The following RORA variants were observed in gnomAD, a reference collection of about 807,000 sequenced individuals.
RORA encodes RAR related orphan receptor A, also known as nuclear receptor ROR-alpha.
A neutral mutation model predicts 69.5 loss-of-function variants in RORA; 7 were observed. The ratio of observed to expected loss-of-function variants is 0.10; its 90% CI spans 0.06 to 0.19. RORA has a LOEUF of 0.19. RORA is among the 10% of genes least tolerant of loss of function. The pLI is 1.00. For synonymous variants in RORA, 261 were observed against 240.8 expected, an observed-to-expected ratio of 1.08 and a Z score of -0.78; for missense variants, 457 against 663.0, an observed-to-expected ratio of 0.69 and a Z score of 3.41.
intron 2 of RORA, among the ~76,000 whole-genome samples, chr15:60,566,776 C>A (rs894307208): frequency 1.3e-5 from 2 of 152,112 alleles, no homozygotes; most frequent in African/African-American, 4.8e-5. Flanking sequence ...GAAGAAAAGC[C>A]AAGGAGAGGT....
rs75716217 is a variant in RORA at position 60,795,523 on chromosome 15, C to T, written c.167-116837G>A. On this transcript the variant is annotated intron_variant, in intron 1 of 10. Transcript: ENST00000335670. ...AAGGCTCAGTCTTTAAACTGTATTT[C>T]GCTGAGGCACAGTTTGATACCATGG... 2.1e-4 allele frequency among the ~76,000 whole-genome samples: 32 copies of T among 152,332 alleles called. No homozygotes were observed. The East Asian group carries it at 5.2e-3, about 25-fold the overall frequency.
chr15:60,631,243 C>T (rs1350244753), intron 2 of RORA, among the ~76,000 whole-genome samples: 4 of 152,204 alleles, frequency 2.6e-5, no homozygotes, highest in African/African-American at 9.6e-5. Context: ...AGCAGCCCAT[C>T]TGGGGCTATG....
intron 1 of RORA, among the ~76,000 whole-genome samples, chr15:60,729,506 T>C (rs528001545): frequency 1.3e-5 from 2 of 152,344 alleles, no homozygotes; most frequent in African/African-American, 4.8e-5. Flanking sequence ...ATTTTCTCCA[T>C]TGTTAGAATT....
intron 2 of RORA, among the ~76,000 whole-genome samples, chr15:60,591,573 G>A (rs548805306): frequency 6.6e-6 from 1 of 152,030 alleles, no homozygotes; most frequent in Non-Finnish European, 1.5e-5. Context: ...GGGCCGCCCG[G>A]CAGGATTGGC....
At chr15:60,874,808 T>C (rs562189119) in intron 1 of RORA, among the ~76,000 whole-genome samples, 30 of 152,338 alleles carry the variant, frequency 2.0e-4, no homozygotes, top group Admixed American at 2.0e-4. Context: ...GTCAGCCTGC[T>C]AGTGTACAAA....
At chr15:60,584,161 G>C (rs1291354744) in intron 2 of RORA, among the ~76,000 whole-genome samples, 1 of 152,198 alleles carries the variant, frequency 6.6e-6, no homozygotes, top group Admixed American at 6.5e-5. Flanking sequence ...AGAAACATCT[G>C]AGATGCTGTG....
In RORA at chr15:60,750,635, CTG is replaced by C. The variant is rs985998923; in HGVS notation, c.167-71951_167-71950del. Among the ~76,000 whole-genome samples the C allele has an allele frequency of 1.6e-4, 25 of 152,184 alleles. 1 individual carries two copies. Among genetic ancestry groups the C allele is most frequent in the African/African-American group, 5.8e-4 (24 of 41,516 alleles). ...TCTTTCAAGGAGAGAGGACATCAAA[CTG>C]AGATTAGATTAGAGGAAAAAGAGCA... On this transcript the variant is annotated intron_variant, in intron 1 of 10. Coordinates refer to ENST00000335670, the MANE Select transcript of RORA (RefSeq NM_134261.3).
chr15:61,079,336 C>A (rs2078502473), intron 1 of RORA, among the ~76,000 whole-genome samples: 2 of 152,126 alleles, frequency 1.3e-5, no homozygotes, highest in African/African-American at 4.8e-5. Flanking sequence ...AGATTTAAAT[C>A]ACTTATTTCA....
chr15:60,538,243 G>A (rs1407290288), intron 2 of RORA, among the ~76,000 whole-genome samples: 2 of 152,140 alleles, frequency 1.3e-5, no homozygotes, highest in Non-Finnish European at 2.9e-5. Flanking sequence ...AGTCAATTCA[G>A]CTAAGAGGTG....
chr15:60,689,150 A>G (rs1166438579), intron 1 of RORA, among the ~76,000 whole-genome samples: 2 of 152,340 alleles, frequency 1.3e-5, no homozygotes, highest in Non-Finnish European at 2.9e-5. Flanking sequence ...CAATATCTGT[A>G]GGATGGAAGT....
In RORA at chr15:61,013,343, C is replaced by T. The variant is rs1337884079; in HGVS notation, c.166+215710G>A. Among the ~76,000 whole-genome samples, 5 of 152,152 alleles carry T rather than the reference C, an allele frequency of 3.3e-5. No homozygotes were observed. In the East Asian group the frequency reaches 7.7e-4, roughly 23 times the overall value. ...TTTGTTGCGGAGTTGTGACAGAGAC[C>T]GCATGGCCCATAAAGCCAAACATAT... On this transcript the variant is annotated intron_variant, in intron 1 of 10. Coordinates refer to ENST00000335670, the MANE Select transcript of RORA (RefSeq NM_134261.3).
chr15:60,961,124 C>T (rs111871112), intron 1 of RORA, among the ~76,000 whole-genome samples: 3,535 of 152,278 alleles, frequency 0.023, 162 homozygotes, highest in African/African-American at 0.081. Flanking sequence ...TTAGATCTCT[C>T]TGGCCTCTCA....
chr15:60,703,126 AACACACACACACACACACACAC>A (rs33962963), intron 1 of RORA, among the ~76,000 whole-genome samples: 2 of 145,484 alleles, frequency 1.4e-5, no homozygotes, highest in South Asian at 2.3e-4. Flanking sequence ...GCTTCAGATT[AACACACACACACACACACACAC>A]ACACACACAC....
chr15:60,505,459 C>A (rs202236578), intron 6 of RORA, 49 bp downstream of exon 6: 1 of 1,600,276 alleles, frequency 6.2e-7, no homozygotes, highest in South Asian at 1.1e-5. Context: ...TACCAACACC[C>A]TTCCCAATAT....
At chr15:60,833,150 C>T (rs185379758) in intron 1 of RORA, among the ~76,000 whole-genome samples, 140 of 152,022 alleles carry the variant, frequency 9.2e-4, no homozygotes, top group Middle Eastern at 6.8e-3. Context: ...ATGATCCGCC[C>T]GCCTCGGCCT....
chr15:61,059,914 GAAGAAGAAGAAGAAGAAGAAC>G (rs1352537666), intron 1 of RORA, among the ~76,000 whole-genome samples: 39 of 134,380 alleles, frequency 2.9e-4, no homozygotes, highest in African/African-American at 8.0e-4. Context: ...ACACGAAGAA[GAAGAAGAAGAAGAAGAAGAAC>G]AAGAAGAAGA....
chr15:61,080,649 T>C (rs1420249651), intron 1 of RORA, among the ~76,000 whole-genome samples: 1 of 152,202 alleles, frequency 6.6e-6, no homozygotes, highest in Non-Finnish European at 1.5e-5. Flanking sequence ...CTTTGAGGCC[T>C]TTCTACCATG....
intron 10 of RORA, among the ~76,000 whole-genome samples, chr15:60,498,073 T>A (rs1224221358): frequency 6.6e-6 from 1 of 151,840 alleles, no homozygotes; most frequent in Non-Finnish European, 1.5e-5. Flanking sequence ...AAAAAATAAA[T>A]AAATAAATGA....
At chr15:60,899,416 T>G (rs1437398195) in intron 1 of RORA, among the ~76,000 whole-genome samples, 1 of 152,216 alleles carries the variant, frequency 6.6e-6, no homozygotes, top group Non-Finnish European at 1.5e-5. Flanking sequence ...GGAAATGACA[T>G]GCTTACTAAT....
Sources: allele counts gnomAD v4.1 joint callset (sites outside exome capture counted in the v4.1 genomes callset), GRCh38; gene constraint gnomAD v4.1.1; transcripts MANE v1.5; gene names NCBI Gene and HGNC (gene_info 2026-07-23, HGNC 2026-07-21).